EFCAB13: variants seen among roughly 807,000 people sequenced by gnomAD.
EFCAB13 encodes the protein EF-hand calcium-binding domain-containing protein 13.
A neutral mutation model predicts 110.2 loss-of-function variants in EFCAB13; 91 were observed. That is an observed-to-expected ratio of 0.83 (90% CI 0.70 to 0.98). EFCAB13 has a LOEUF of 0.98. Ranked by LOEUF, EFCAB13 falls within the 50% of genes least tolerant of loss-of-function variation. The pLI is 0.00. For synonymous variants in EFCAB13, 323 were observed against 369.9 expected, an observed-to-expected ratio of 0.87 and a Z score of 1.45; for missense variants, 968 against 1,119.4, an observed-to-expected ratio of 0.86 and a Z score of 1.93.
At chr17:47,345,944 A>T (rs776585065) in intron 8 of EFCAB13, among the ~76,000 whole-genome samples, 3 of 152,106 alleles carry the variant, frequency 2.0e-5, no homozygotes, top group Non-Finnish European at 4.4e-5. Context: ...CCAACTTTAA[A>T]CATTTAAAAA....
chr17:47,429,260 A>G (rs1365689591), intron 23 of EFCAB13, among the ~76,000 whole-genome samples: 2 of 152,184 alleles, frequency 1.3e-5, no homozygotes, highest in Non-Finnish European at 2.9e-5. Flanking sequence ...CAGTTTAATC[A>G]TTTTAAGGTA....
At chr17:47,330,102 A>G (rs1035085157) in intron 4 of EFCAB13, among the ~76,000 whole-genome samples, 1 of 152,002 alleles carries the variant, frequency 6.6e-6, no homozygotes, top group Admixed American at 6.6e-5. Flanking sequence ...GGATGCCGCC[A>G]GTTGTCTTAA....
intron 6 of EFCAB13, 42 bp from the exon 7 acceptor site, chr17:47,344,120 G>C: frequency 6.3e-7 from 1 of 1,588,534 alleles, no homozygotes; most frequent in Non-Finnish European, 8.6e-7. Flanking sequence ...AATTACCAGT[G>C]TCACTCACCT....
chr17:47,426,198 T>C (rs555731413), intron 23 of EFCAB13, among the ~76,000 whole-genome samples: 1 of 152,332 alleles, frequency 6.6e-6, no homozygotes, highest in East Asian at 1.9e-4. Context: ...GAAGTAGTAA[T>C]GTTCAGAAAC....
At chr17:47,366,661 A>C (rs1295764612) in intron 10 of EFCAB13, among the ~76,000 whole-genome samples, 1 of 152,144 alleles carries the variant, frequency 6.6e-6, no homozygotes, top group Non-Finnish European at 1.5e-5. Flanking sequence ...TCAACCAGGA[A>C]TCATTCTTTA....
chr17:47,393,389 C>G (rs1474295584), intron 15 of EFCAB13, among the ~76,000 whole-genome samples: 1 of 152,160 alleles, frequency 6.6e-6, no homozygotes, highest in Non-Finnish European at 1.5e-5. Context: ...CCTGGAAAAT[C>G]TCTTGGACTT....
chr17:47,408,167 A>G (rs898372005), intron 20 of EFCAB13, among the ~76,000 whole-genome samples: 1 of 152,208 alleles, frequency 6.6e-6, no homozygotes, highest in Non-Finnish European at 1.5e-5. Flanking sequence ...AGGCCCTTTG[A>G]GAAGTGCAAG....
chr17:47,344,076 T>C (rs1451372136), intron 6 of EFCAB13, 86 bp from the exon 7 acceptor site: 2 of 1,398,366 alleles, frequency 1.4e-6, no homozygotes, highest in East Asian at 2.5e-5. Context: ...TATGATTAAT[T>C]ATCTTTTAAG....
At chr17:47,361,339 G>T (rs2065511403) in intron 9 of EFCAB13, 39 bp from the exon 10 acceptor site, 1 of 1,598,490 alleles carries the variant, frequency 6.3e-7, no homozygotes, top group South Asian at 1.1e-5. Context: ...TCCAAGAAAA[G>T]CTGTTGATTC....
chr17:47,389,770 T>G (rs1367332002), intron 14 of EFCAB13, among the ~76,000 whole-genome samples: 1 of 152,150 alleles, frequency 6.6e-6, no homozygotes, highest in Non-Finnish European at 1.5e-5. Flanking sequence ...AGAAAAATGT[T>G]TCTGTTATTC....
rs181883260 is a variant in EFCAB13, at chr17:47,430,801, A to G, written c.2638+840A>G. 126 of 152,092 alleles carry G rather than the reference A, an allele frequency of 8.3e-4. 1 individual carries two copies. The highest frequency in any genetic ancestry group is 2.9e-3 in the African/African-American group (122 of 41,528). The allele number at this position is 152,092 out of a possible 1,614,324, so 9.4% of individuals were successfully genotyped here. Reference sequence around the variant, plus strand: ...TCTCGATTGAACTCCACAGTTTTCAATTTTATTAATCTTTTAAAAAATTCA... The same window carrying G: ...TCTCGATTGAACTCCACAGTTTTCAGTTTTATTAATCTTTTAAAAAATTCA... On this transcript the variant is annotated intron_variant, in intron 24 of 24. Transcript: ENST00000331493.
At chr17:47,344,902 G>A in intron 7 of EFCAB13, 114 bp from the exon 8 acceptor site, 2 of 771,978 alleles carry the variant, frequency 2.6e-6, no homozygotes, top group Admixed American at 2.3e-5. Context: ...AACTTGGACA[G>A]TTCTTCAAGA....
intron 24 of EFCAB13, among the ~76,000 whole-genome samples, chr17:47,432,592 A>T (rs1905140112): frequency 1.3e-5 from 2 of 152,232 alleles, no homozygotes; most frequent in South Asian, 4.2e-4. Flanking sequence ...CCTGTCTCAA[A>T]AAAACAGATA....
chr17:47,424,293 C>A (rs960938060), intron 23 of EFCAB13, among the ~76,000 whole-genome samples: 6 of 152,200 alleles, frequency 3.9e-5, no homozygotes, highest in African/African-American at 1.4e-4. Flanking sequence ...ACCCGCGGAA[C>A]CGACGGCTCA....
chr17:47,410,069 G>A (rs1912480), intron 21 of EFCAB13, among the ~76,000 whole-genome samples: 17,351 of 151,704 alleles, frequency 0.11, 1,300 homozygotes, highest in East Asian at 0.35. Flanking sequence ...TACTGTTGTA[G>A]TCTGTTTTGT....
chr17:47,361,464 G>A lies in EFCAB13; in HGVS notation c.748G>A (p.Gly250Ser), dbSNP rs1342105196. ...DDVFAVLDSMGIPINREILEE... is the reference protein window; with the variant it reads ...DDVFAVLDSMSIPINREILEE... ...CGTGTTTGCTGTTTTGGATAGCATG[G>A]GTATCCCTATAAACCGTGAAATTTT... Residue 250 changes from glycine to serine, a missense_variant, in exon 10 of 25, where the codon GGT (glycine) becomes AGT (serine). Gly to Ser is a moderately conservative substitution (Grantham distance 56). Transcript: ENST00000331493. 4 of 1,613,370 alleles carry A rather than the reference G, an allele frequency of 2.5e-6. No individual in the cohort carries two copies. In the African/African-American group the frequency reaches 4.0e-5, roughly 16 times the overall value.
At position 47,345,319 on chromosome 17, in the gene EFCAB13, G is replaced by A. The variant is rs143409738; in HGVS notation, c.517+221G>A. On this transcript the variant is annotated intron_variant, in intron 8 of 24. Transcript: ENST00000331493. Reference sequence around the variant, plus strand: ...TGGTAAGATAGGGAAAATATAATATGTAGCTTATACTAGTTCAAATGTATT... The same window carrying A: ...TGGTAAGATAGGGAAAATATAATATATAGCTTATACTAGTTCAAATGTATT... Among the ~76,000 whole-genome samples, 1,117 of 152,182 alleles carry A rather than the reference G, an allele frequency of 7.3e-3. 11 individuals carry two copies. Among genetic ancestry groups the A allele is most frequent in the Non-Finnish European group, 0.01 (687 of 67,962 alleles).
intron 10 of EFCAB13, chr17:47,369,788 C>A (rs1441402182): frequency 1.3e-5 from 2 of 152,436 alleles, no homozygotes; most frequent in African/African-American, 4.8e-5. Flanking sequence ...TACCTCTGTG[C>A]ACAATTGAAA....
intron 10 of EFCAB13, among the ~76,000 whole-genome samples, chr17:47,363,212 A>G (rs2065526210): frequency 6.6e-6 from 1 of 152,192 alleles, no homozygotes; most frequent in Non-Finnish European, 1.5e-5. Context: ...CTAGGACTAT[A>G]GGTGTGCACC....
Sources: gnomAD v4.1 joint callset for allele counts (sites outside exome capture counted in the v4.1 genomes callset) on GRCh38, gnomAD v4.1.1 for gene constraint, MANE v1.5 for transcripts, NCBI Gene and HGNC (gene_info 2026-07-23, HGNC 2026-07-21) for gene names.